SCRG1: variants seen among roughly 807,000 people sequenced by gnomAD.
SCRG1 encodes the protein scrapie-responsive protein 1.
A neutral mutation model predicts 7.7 loss-of-function variants in SCRG1; 3 were observed. The ratio of observed to expected loss-of-function variants is 0.39; its 90% CI spans 0.18 to 1.01. The LOEUF is 1.01. SCRG1 is among the 50% of genes least tolerant of loss of function. SCRG1 has a pLI of 0.36. For synonymous variants in SCRG1, 46 were observed against 41.2 expected (o/e 1.12, Z -0.44); for missense variants, 110 against 117.2 (o/e 0.94, Z 0.28).
At chr4:173,505,480 G>T in the SCRG1 span, among the ~76,000 whole-genome samples, 1 of 152,108 alleles carries the variant, frequency 6.6e-6, no homozygotes, top group South Asian at 2.1e-4. This position sits in a 1 kb window ranked among gnomAD's most constrained non-coding sequence, Gnocchi z 4.4. Flanking sequence ...GGAAAGTGAA[G>T]AAAAAGGGAA....
the SCRG1 span, among the ~76,000 whole-genome samples, chr4:173,428,080 G>A: frequency 6.6e-6 from 1 of 152,164 alleles, no homozygotes; most frequent in Non-Finnish European, 1.5e-5. Context: ...TATGTTTGGG[G>A]TGGAGGGGTG....
At chr4:173,477,448 T>G in the SCRG1 span, among the ~76,000 whole-genome samples, 1 of 152,164 alleles carries the variant, frequency 6.6e-6, no homozygotes, top group Non-Finnish European at 1.5e-5. Flanking sequence ...CAAAATGTTT[T>G]GGGGTTGGGG....
the SCRG1 span, among the ~76,000 whole-genome samples, chr4:173,427,348 G>A: frequency 1.3e-5 from 2 of 152,110 alleles, no homozygotes; most frequent in Admixed American, 1.3e-4. Context: ...TTCTTCTTTA[G>A]CTCAACAAAA....
At chr4:173,397,975 G>T (rs1283344437) in intron 1 of SCRG1, among the ~76,000 whole-genome samples, 1 of 152,226 alleles carries the variant, frequency 6.6e-6, no homozygotes, top group Non-Finnish European at 1.5e-5. Flanking sequence ...CAAAATTATA[G>T]TTGGGAGAGA....
At chr4:173,458,790 C>T in the SCRG1 span, among the ~76,000 whole-genome samples, 1 of 152,004 alleles carries the variant, frequency 6.6e-6, no homozygotes, top group Admixed American at 6.5e-5. Flanking sequence ...CTTAAATTCC[C>T]CACTTAAAAG....
the SCRG1 span, among the ~76,000 whole-genome samples, chr4:173,441,006 C>T: frequency 6.6e-6 from 1 of 152,084 alleles, no homozygotes; most frequent in Non-Finnish European, 1.5e-5. Flanking sequence ...GTACTCATTT[C>T]CAAATAAGGT....
chr4:173,396,741 T>TGTGTGTGTGTGTGA (rs35823365), intron 1 of SCRG1, among the ~76,000 whole-genome samples: 29,024 of 145,428 alleles, frequency 0.2, 3,289 homozygotes, highest in East Asian at 0.4. Context: ...TGTGTGTGTG[T>TGTGTGTGTGTGTGA]GTGTGTGTAT....
chr4:173,499,740 C>G, the SCRG1 span, among the ~76,000 whole-genome samples: 1 of 152,172 alleles, frequency 6.6e-6, no homozygotes, highest in Admixed American at 6.5e-5. This position sits in a 1 kb window ranked among gnomAD's most constrained non-coding sequence, Gnocchi z 4.1. Context: ...AACTGCCTCA[C>G]GTGAACGCAA....
the SCRG1 span, among the ~76,000 whole-genome samples, chr4:173,471,945 G>A: frequency 1.9e-4 from 29 of 152,158 alleles, no homozygotes; most frequent in African/African-American, 7.0e-4. Context: ...CTGACCTCAG[G>A]TGATCTGCCC....
chr4:173,501,594 C>T, the SCRG1 span, among the ~76,000 whole-genome samples: 1 of 152,046 alleles, frequency 6.6e-6, no homozygotes, highest in Non-Finnish European at 1.5e-5. This position sits in a 1 kb window ranked among gnomAD's most constrained non-coding sequence, Gnocchi z 5.1. Context: ...TGTCTGGATT[C>T]AGAAGGGGGG....
the SCRG1 span, among the ~76,000 whole-genome samples, chr4:173,486,604 C>G: frequency 6.6e-6 from 1 of 152,178 alleles, no homozygotes; most frequent in East Asian, 1.9e-4. Flanking sequence ...GCTTCCTACC[C>G]AAAGACACTA....
At chr4:173,417,035 A>C in the SCRG1 span, among the ~76,000 whole-genome samples, 1 of 151,010 alleles carries the variant, frequency 6.6e-6, no homozygotes, top group Non-Finnish European at 1.5e-5. Context: ...TCACATCTTC[A>C]CACACACCCC....
the SCRG1 span, among the ~76,000 whole-genome samples, chr4:173,432,581 T>A: frequency 6.6e-6 from 1 of 152,098 alleles, no homozygotes; most frequent in South Asian, 2.1e-4. Context: ...CCCATGTGTC[T>A]ACATGACCTT....
the SCRG1 span, among the ~76,000 whole-genome samples, chr4:173,473,620 C>T: frequency 3.3e-5 from 5 of 152,078 alleles, no homozygotes; most frequent in Admixed American, 6.6e-5. Context: ...GAAGGGAACT[C>T]TGTGCATAAG....
chr4:173,409,537 G>C (rs780648648), upstream of SCRG1, among the ~76,000 whole-genome samples: 84 of 151,338 alleles, frequency 5.6e-4, no homozygotes, highest in Non-Finnish European at 9.6e-4. Flanking sequence ...GAAGCAGCAA[G>C]ATAGACTAAG....
At chr4:173,508,621 AG>A in the SCRG1 span, among the ~76,000 whole-genome samples, 1 of 152,072 alleles carries the variant, frequency 6.6e-6, no homozygotes, top group Non-Finnish European at 1.5e-5. This position sits in a 1 kb window ranked among gnomAD's most constrained non-coding sequence, Gnocchi z 4.4. Context: ...AGGTGAGGGC[AG>A]GGGCCCCCTG....
chr4:173,426,244 C>G, the SCRG1 span, among the ~76,000 whole-genome samples: 3 of 152,336 alleles, frequency 2.0e-5, no homozygotes, highest in African/African-American at 2.4e-5. Flanking sequence ...AAGTGAGCCA[C>G]AAACCCCAAT....
the SCRG1 span, among the ~76,000 whole-genome samples, chr4:173,480,051 C>T: frequency 2.6e-5 from 4 of 151,858 alleles, no homozygotes; most frequent in Non-Finnish European, 5.9e-5. Context: ...CTCACTACAG[C>T]CTCCAACTCC....
At chr4:173,390,109 T>C (rs1739382386) in intron 2 of SCRG1, among the ~76,000 whole-genome samples, 1 of 152,172 alleles carries the variant, frequency 6.6e-6, no homozygotes, top group African/African-American at 2.4e-5. Context: ...AATGGCACGA[T>C]CTAGGCTCAC....
Sources: allele counts gnomAD v4.1 joint callset (sites outside exome capture counted in the v4.1 genomes callset), GRCh38; gene constraint gnomAD v4.1.1; non-coding constraint Gnocchi (gnomAD v3.1); transcripts MANE v1.5; gene names NCBI Gene and HGNC (gene_info 2026-07-23, HGNC 2026-07-21).